FBXO43: variants seen among roughly 807,000 people sequenced by gnomAD.
FBXO43 encodes F-box protein 43.
FBXO43 carries 22 observed loss-of-function variants against 56.7 expected under a neutral mutation model. The ratio of observed to expected loss-of-function variants is 0.39; its 90% CI spans 0.28 to 0.55. FBXO43 has a LOEUF of 0.55. FBXO43 is among the 20% of genes least tolerant of loss of function. The pLI is 0.66. For synonymous variants in FBXO43, 306 were observed against 294.5 expected (o/e 1.04, Z -0.40); for missense variants, 733 against 814.9 (o/e 0.90, Z 1.22).
rs1814619411 is a variant in FBXO43, at chr8:100,140,876, C to T, written c.1378G>A (p.Glu460Lys). 2 of 1,614,148 alleles carry T rather than the reference C, an allele frequency of 1.2e-6. No individual in the cohort carries two copies. The highest frequency in any genetic ancestry group is 1.7e-6 in the Non-Finnish European group (2 of 1,180,022). The change falls in exon 2 of 5, where the codon GAA becomes AAA. Residue 460 changes from glutamate (E) to lysine (K), a missense_variant. Glu to Lys is a moderately conservative substitution (Grantham distance 56). Transcript: ENST00000428847. The stretch of plus-strand genomic sequence containing the variant: ...TCTAAGAATTCATGTCCACTATTTT[C>T]CTGTAATCTTTTCCTCTTGCTTTTC... Reference protein sequence around the residue: ...FMKSKRKRLQENSGHEFLEQG... With the variant: ...FMKSKRKRLQKNSGHEFLEQG...
At chr8:100,146,146 C>G (rs1377137123), upstream of FBXO43, among the ~76,000 whole-genome samples, 1 of 152,252 alleles carries the variant, frequency 6.6e-6, no homozygotes, top group Non-Finnish European at 1.5e-5. Flanking sequence ...AAGCAAGTTA[C>G]AAACTGACCC....
upstream of FBXO43, among the ~76,000 whole-genome samples, chr8:100,147,808 A>G (rs923125182): frequency 2.6e-5 from 4 of 152,214 alleles, no homozygotes; most frequent in African/African-American, 9.7e-5. Context: ...AGATGCATTT[A>G]GTGTGAGGTT....
chr8:100,138,294 CTT>C (rs1814535782), intron 2 of FBXO43, among the ~76,000 whole-genome samples: 1 of 152,148 alleles, frequency 6.6e-6, no homozygotes, highest in African/African-American at 2.4e-5. Context: ...TTAATCTGGT[CTT>C]TCTTTGTTAT....
chr8:100,149,148 G>A (rs189570029), upstream of FBXO43, among the ~76,000 whole-genome samples: 131 of 152,312 alleles, frequency 8.6e-4, no homozygotes, highest in Admixed American at 1.5e-3. Context: ...AGGAAAGAGC[G>A]TGTTGGATTG....
Position 100,141,401 on chromosome 8 carries a change from A to T in FBXO43, c.853T>A (p.Ser285Thr), listed in dbSNP as rs751280935. Residue 285 changes from serine to threonine, a missense_variant, in exon 2 of 5, where the codon TCC (serine) becomes ACC (threonine). Physicochemically the swap from Ser to Thr is moderately conservative, Grantham distance 58. Coordinates refer to ENST00000428847, the MANE Select transcript of FBXO43 (RefSeq NM_001029860.4). Reference protein sequence around the residue: ...DENACPELLGSSVSGTTCGTD... With the variant: ...DENACPELLGTSVSGTTCGTD... The stretch of plus-strand genomic sequence containing the variant: ...CCACAAGTTGTTCCACTAACAGAGG[A>T]GCCCAGGAGCTCTGGACATGCATTC... 6.2e-7 allele frequency: 1 copy of T among 1,613,576 alleles called. No individual in the cohort carries two copies. Among genetic ancestry groups the T allele is most frequent in the Non-Finnish European group, 8.5e-7 (1 of 1,180,008 alleles).
At chr8:100,139,584 C>G (rs1814576481) in intron 2 of FBXO43, among the ~76,000 whole-genome samples, 1 of 152,286 alleles carries the variant, frequency 6.6e-6, no homozygotes, top group South Asian at 2.1e-4. Context: ...CCTTCATTGC[C>G]ACGGCATTCC....
At chr8:100,134,795 A>G (rs1319797558) in intron 3 of FBXO43, among the ~76,000 whole-genome samples, 1 of 152,132 alleles carries the variant, frequency 6.6e-6, no homozygotes, top group Non-Finnish European at 1.5e-5. Flanking sequence ...CCATCAAATA[A>G]CTTTCTTTTA....
intron 3 of FBXO43, 42 bp from the exon 4 acceptor site, chr8:100,134,406 AC>A (rs1814406118): frequency 6.5e-7 from 1 of 1,544,026 alleles, no homozygotes; most frequent in African/African-American, 1.4e-5. Flanking sequence ...CAATACCAAA[AC>A]AGTTCCGGGA....
At chr8:100,135,098 G>A (rs757010624) in intron 3 of FBXO43, among the ~76,000 whole-genome samples, 78 of 152,284 alleles carry the variant, frequency 5.1e-4, no homozygotes, top group Non-Finnish European at 8.8e-4. Flanking sequence ...ACACTAGAAC[G>A]GAAGTGTAAT....
chr8:100,143,647 A>T (rs202214633), intron 1 of FBXO43, among the ~76,000 whole-genome samples: 1 of 113,030 alleles, frequency 8.8e-6, no homozygotes, highest in Non-Finnish European at 1.8e-5. Context: ...CAAATATTAA[A>T]TAAGTAGAAT....
intron 2 of FBXO43, 35 bp downstream of exon 2, chr8:100,140,648 G>T: frequency 6.6e-7 from 1 of 1,508,044 alleles, no homozygotes; most frequent in Non-Finnish European, 8.9e-7. Flanking sequence ...CTTAAAAAAA[G>T]AAGTTTTATT....
rs1282578581 is a variant in FBXO43, at chr8:100,142,787, T to G, written c.86-619A>C. Among the ~76,000 whole-genome samples the G allele has an allele frequency of 3.9e-5, 6 of 152,194 alleles. No individual in the cohort carries two copies. The South Asian group carries it at 1.0e-3, about 26-fold the overall frequency. Reference sequence around the variant, plus strand: ...TGCAAAGACTGGCTCATCAATGAACTACTAACACATTCTTCTTGAGCTAAC... The same window carrying G: ...TGCAAAGACTGGCTCATCAATGAACGACTAACACATTCTTCTTGAGCTAAC... On this transcript the variant is annotated intron_variant, in intron 1 of 4. Coordinates refer to ENST00000428847, the MANE Select transcript of FBXO43 (RefSeq NM_001029860.4).
In FBXO43 at chr8:100,141,772, G is replaced by T. The variant is rs1159069897; in HGVS notation, c.482C>A (p.Ser161Tyr). 6.3e-7 allele frequency: 1 copy of T among 1,591,590 alleles called. No individual in the cohort carries two copies. Among genetic ancestry groups the T allele is most frequent in the Admixed American group, 1.8e-5 (1 of 56,112 alleles). Residue 161 changes from serine to tyrosine, a missense_variant, in exon 2 of 5, where the codon TCT becomes TAT. Ser to Tyr is a moderately radical substitution (Grantham distance 144). Transcript: ENST00000428847. ...AAAGTCCCCTTTTAGAAGAGCGAAA[G>T]ATACATTCAACCTTCTGCGAGGTAA... ...KCLPRRRLNV[S>Y]FALLKGDFES...
chr8:100,138,864 C>T (rs1470558306), intron 2 of FBXO43, among the ~76,000 whole-genome samples: 1 of 152,024 alleles, frequency 6.6e-6, no homozygotes, highest in African/African-American at 2.4e-5. Context: ...GTAGTAAGAC[C>T]CCATCCATAC....
rs145856557 is a variant in FBXO43 at position 100,138,931 on chromosome 8, T to C, written c.1572-1264A>G. The stretch of plus-strand genomic sequence containing the variant: ...CATCTCCTTAATTTTTTAAACAGTT[T>C]ATCGTTTGAACATTTTTAAAAGGCA... On this transcript the variant is annotated intron_variant, in intron 2 of 4. Coordinates refer to ENST00000428847, the MANE Select transcript of FBXO43 (RefSeq NM_001029860.4). 4.7e-4 allele frequency among the ~76,000 whole-genome samples: 72 copies of C among 152,300 alleles called. No individual in the cohort carries two copies. The East Asian group carries it at 0.012, about 25-fold the overall frequency.
At position 100,134,375 on chromosome 8, in the gene FBXO43, G is replaced by C. The variant is rs1814404677; in HGVS notation, c.1675-11C>G. ...ATTTAATACAGCCCCCTGTGGTAAA[G>C]GACAAGAGGCATCAATACTGCAATA... On this transcript the variant is annotated splice_polypyrimidine_tract_variant and intron_variant, in intron 3 of 4. Transcript: ENST00000428847. 6.2e-7 allele frequency: 1 copy of C among 1,611,356 alleles called. No homozygotes were observed.
upstream of FBXO43, among the ~76,000 whole-genome samples, chr8:100,147,317 T>C (rs1246394480): frequency 6.6e-6 from 1 of 152,184 alleles, no homozygotes; most frequent in Non-Finnish European, 1.5e-5. Context: ...CTAACTCTAC[T>C]GGAGAACAGA....
rs773844469 is a variant in FBXO43, at chr8:100,140,842, T to A, written c.1412A>T (p.Asp471Val). The change falls in exon 2 of 5, where the codon GAT becomes GTT. Residue 471 changes from aspartate (D) to valine (V), a missense_variant. By Grantham distance (152) the Asp-to-Val change is radical (BLOSUM62 -3). Transcript: ENST00000428847. ...CTGCAGTACAGCTATTTTCTCCCCA[T>A]CCCCTTGCTCTAAGAATTCATGTCC... ...NSGHEFLEQG[D>V]GEKIAVLQCI... 1 of 1,614,194 alleles carries A rather than the reference T, an allele frequency of 6.2e-7. No homozygotes were observed. Among genetic ancestry groups the A allele is most frequent in the Non-Finnish European group, 8.5e-7 (1 of 1,180,036 alleles).
intron 3 of FBXO43, among the ~76,000 whole-genome samples, chr8:100,135,121 C>T (rs1814431348): frequency 6.6e-6 from 1 of 152,196 alleles, no homozygotes. Flanking sequence ...TAGTGTACAA[C>T]ATACTATAGC....
Sources: gnomAD v4.1 joint callset for allele counts (sites outside exome capture counted in the v4.1 genomes callset) on GRCh38, gnomAD v4.1.1 for gene constraint, MANE v1.5 for transcripts, NCBI Gene and HGNC (gene_info 2026-07-23, HGNC 2026-07-21) for gene names.